KRT8: variants seen among roughly 807,000 people sequenced by gnomAD.
KRT8 encodes keratin 8, also known as keratin, type II cytoskeletal 8.
Under a neutral mutation model 43.0 loss-of-function variants are expected in KRT8, and 24 were observed. The observed-to-expected ratio is 0.56, with a 90% CI of 0.40 to 0.78. The LOEUF is 0.78. Among genes scored for constraint, KRT8 ranks in the 30% least tolerant of loss-of-function variants. The pLI, the probability that KRT8 is intolerant of heterozygous loss-of-function variation, is 0.00. For synonymous variants in KRT8, 214 were observed against 261.2 expected (o/e 0.82, Z 1.74); for missense variants, 492 against 638.4 (o/e 0.77, Z 2.47).
At chr12:52,897,274 G>C in exon 8 of KRT8, 1 of 755,990 alleles carries the variant, frequency 1.3e-6, no homozygotes. Context: ...TGGGCAAGGG[G>C]GGTCCCCAGG....
Position 52,898,937 on chromosome 12 carries a change from T to C in KRT8, c.982-38A>G, listed in dbSNP as rs747012754. 1.1e-5 allele frequency: 17 copies of C among 1,590,974 alleles called. No individual in the cohort carries two copies. In the Admixed American group the frequency reaches 1.5e-4, roughly 14 times the overall value. ...GGACAGGTAAGTAGGTCAGGTTGGG[T>C]ATGCCTTCTCTTCTCCCGTGCTCCC... On this transcript the variant is annotated intron_variant, in intron 5 of 7. Coordinates refer to ENST00000692008, the Ensembl canonical transcript of KRT8.
At position 52,904,638 on chromosome 12, in the gene KRT8, C is replaced by T. The variant is rs1389010109; in HGVS notation, c.324+20G>A. 1.9e-6 allele frequency: 3 copies of T among 1,610,190 alleles called. No individual in the cohort carries two copies. The Admixed American group carries it at 5.0e-5, about 27-fold the overall frequency. ...GAAAGGGGCTGCGGGCACAGTCAGC[C>T]ACGCAGGGGGGACCCTCACCTTGTC... On this transcript the variant is annotated intron_variant, in intron 1 of 7. Transcript: ENST00000692008.
chr12:52,940,591 G>A (rs901554293), intron 2 of KRT8, among the ~76,000 whole-genome samples: 6 of 151,306 alleles, frequency 4.0e-5, no homozygotes, highest in Admixed American at 4.0e-4. Flanking sequence ...GTGTGGGGGT[G>A]AGCAATGAAC....
At chr12:52,947,982 AG>A (rs1942375870) in intron 2 of KRT8, 1 of 152,128 alleles carries the variant, frequency 6.6e-6, no homozygotes, top group Non-Finnish European at 1.5e-5. Flanking sequence ...GTAAATGCTC[AG>A]GATTTGTTTA....
chr12:52,939,317 C>G (rs1942229261), intron 2 of KRT8, among the ~76,000 whole-genome samples: 1 of 151,692 alleles, frequency 6.6e-6, no homozygotes, highest in African/African-American at 2.4e-5. Context: ...ACCAGCCTGG[C>G]CAACATGGTG....
At chr12:52,921,344 G>C (rs1941882515) in intron 2 of KRT8, among the ~76,000 whole-genome samples, 1 of 152,144 alleles carries the variant, frequency 6.6e-6, no homozygotes, top group African/African-American at 2.4e-5. Context: ...GCAAAGGAGG[G>C]AAAGCCTCTC....
intron 2 of KRT8, among the ~76,000 whole-genome samples, chr12:52,917,942 AGAAGAG>A (rs1180078795): frequency 1.4e-4 from 21 of 148,840 alleles, no homozygotes; most frequent in African/African-American, 4.0e-4. Flanking sequence ...GAGAAGAGGA[AGAAGAG>A]GAAGAGGAAG....
chr12:52,935,400 A>AAG lies in KRT8; in HGVS notation c.-47+14055_-47+14056insCT, dbSNP rs1565731950. Reference sequence around the variant, plus strand: ...TCTCAAAAAAAAAAAAAAAAAAAAAAAAAAAAAAAAGGCCGGGCACAGTGG... The same window carrying AAG: ...TCTCAAAAAAAAAAAAAAAAAAAAAAAGAAAAAAAAAAGGCCGGGCACAGTGG... On this transcript the variant is annotated intron_variant, in intron 2 of 6. Coordinates refer to the KRT8 transcript ENST00000546826. Among the ~76,000 whole-genome samples, 5 of 134,656 alleles carry AAG rather than the reference A, an allele frequency of 3.7e-5. No individual in the cohort carries two copies. The East Asian group carries it at 9.9e-4, about 27-fold the overall frequency. 88.3% of individuals were successfully genotyped at this position (134,656 alleles called of 152,430 possible).
In KRT8 at chr12:52,918,205, C is replaced by CAAGAAGAAGAAGAAG. The variant is rs371624304; in HGVS notation, c.-46-13193_-46-13179dup. ...GGAAGAAGAAGAAGAAGAAGAAGAA[C>CAAGAAGAAGAAGAAG]AAGAAGAAGAAGAAGAAGAAGAAGA... On this transcript the variant is annotated intron_variant, in intron 2 of 6. Transcript: ENST00000546826. Among the ~76,000 whole-genome samples the CAAGAAGAAGAAGAAG allele has an allele frequency of 5.4e-4, 63 of 116,662 alleles. 4 individuals carry two copies. Among genetic ancestry groups the CAAGAAGAAGAAGAAG allele is most frequent in the South Asian group, 8.9e-4 (3 of 3,358 alleles). 76.5% of individuals were successfully genotyped at this position (116,662 alleles called of 152,430 possible).
upstream of KRT8, chr12:52,906,746 C>G: frequency 2.2e-6 from 1 of 455,908 alleles, no homozygotes; most frequent in Non-Finnish European, 4.4e-6. Context: ...CAGCCAGATC[C>G]CCTTGAGGAG....
chr12:52,935,247 C>T (rs1231992995), intron 2 of KRT8, among the ~76,000 whole-genome samples: 1 of 150,720 alleles, frequency 6.6e-6, no homozygotes, highest in African/African-American at 2.4e-5. Context: ...CTGGGGGTGG[C>T]AGGTGCCTGT....
At chr12:52,917,411 A>AT (rs1941762117) in intron 2 of KRT8, among the ~76,000 whole-genome samples, 1 of 150,886 alleles carries the variant, frequency 6.6e-6, no homozygotes, top group African/African-American at 2.4e-5. Flanking sequence ...AAAAAAAAAA[A>AT]GAAAAAAAAG....
intron 2 of KRT8, among the ~76,000 whole-genome samples, chr12:52,920,661 C>T (rs1565726714): frequency 6.6e-6 from 1 of 152,296 alleles, no homozygotes; most frequent in East Asian, 1.9e-4. Context: ...TTGACCGTCA[C>T]ATCCACAGCA....
intron 2 of KRT8, among the ~76,000 whole-genome samples, chr12:52,917,005 G>A (rs1478704864): frequency 6.6e-6 from 1 of 152,150 alleles, no homozygotes; most frequent in Non-Finnish European, 1.5e-5. Flanking sequence ...TGACCCAAGG[G>A]ATATAACCAG....
At chr12:52,918,930 A>T (rs1398576400) in intron 2 of KRT8, among the ~76,000 whole-genome samples, 1 of 152,178 alleles carries the variant, frequency 6.6e-6, no homozygotes, top group Non-Finnish European at 1.5e-5. Context: ...CTTGCAGAAC[A>T]GAACAGTGTC....
chr12:52,917,975 GGAAGAA>G (rs755910762), intron 2 of KRT8, among the ~76,000 whole-genome samples: 9 of 134,674 alleles, frequency 6.7e-5, no homozygotes, highest in South Asian at 2.4e-4. Flanking sequence ...AAGAGGAAGA[GGAAGAA>G]GAAGAAGAAG....
At chr12:52,902,769 T>C (rs1160403176) in intron 1 of KRT8, among the ~76,000 whole-genome samples, 1 of 151,678 alleles carries the variant, frequency 6.6e-6, no homozygotes, top group Non-Finnish European at 1.5e-5. Flanking sequence ...CCCAGCACTT[T>C]GGGTGGCCAA....
chr12:52,949,620 G>A, intron 1 of KRT8: 1 of 1,589,616 alleles, frequency 6.3e-7, no homozygotes, highest in Non-Finnish European at 8.6e-7. Context: ...TCAACTCCCA[G>A]CCTTGTCTGA....
In KRT8 at chr12:52,904,278, G is replaced by C. The variant is rs138587783; in HGVS notation, c.324+380C>G. 4.7e-4 allele frequency among the ~76,000 whole-genome samples: 71 copies of C among 152,282 alleles called. 1 individual carries two copies. In the East Asian group the frequency reaches 0.013, roughly 29 times the overall value. ...TAGCTTAAAAGACGGTCAGAACTCG[G>C]GTTGGGGTGAGAACAATAACCGCTA... On this transcript the variant is annotated intron_variant, in intron 1 of 7. Transcript: ENST00000692008.
Sources: gnomAD v4.1 joint callset for allele counts (sites outside exome capture counted in the v4.1 genomes callset) on GRCh38, gnomAD v4.1.1 for gene constraint, MANE v1.5 for transcripts, NCBI Gene and HGNC (gene_info 2026-07-23, HGNC 2026-07-21) for gene names.